The following KCNN2 variants were observed in gnomAD, a reference collection of about 807,000 sequenced individuals.
KCNN2 encodes the protein potassium calcium-activated channel subfamily N member 2, also known as small conductance calcium-activated potassium channel protein 2.
Under a neutral mutation model 55.5 loss-of-function variants are expected in KCNN2, and 24 were observed. That is an observed-to-expected ratio of 0.43 (90% CI 0.31 to 0.61). The LOEUF (loss-of-function observed/expected upper bound fraction) is 0.61. KCNN2 is among the 20% of genes least tolerant of loss of function. The pLI is 0.08. For missense variants in KCNN2, 754 were observed against 853.6 expected (o/e 0.88, Z 1.45); for synonymous variants, 431 against 336.1 (o/e 1.28, Z -3.09).
At chr5:114,447,231 A>G (rs1760452121) in intron 3 of KCNN2, among the ~76,000 whole-genome samples, 1 of 152,190 alleles carries the variant, frequency 6.6e-6, no homozygotes, top group Non-Finnish European at 1.5e-5. Flanking sequence ...GCACATAGTA[A>G]TTCTTAGCCT....
At chr5:114,430,754 T>A (rs1383859789) in intron 3 of KCNN2, among the ~76,000 whole-genome samples, 1 of 152,094 alleles carries the variant, frequency 6.6e-6, no homozygotes, top group Non-Finnish European at 1.5e-5. Context: ...TTTTACCAAG[T>A]TGAGGAAATT....
chr5:114,245,894 C>G (rs991514627), intron 2 of KCNN2, among the ~76,000 whole-genome samples: 1 of 152,192 alleles, frequency 6.6e-6, no homozygotes, highest in Non-Finnish European at 1.5e-5. Context: ...TCTACCTTAT[C>G]ACCCAACTTG....
chr5:114,081,108 G>A (rs936872327), intron 1 of KCNN2, among the ~76,000 whole-genome samples: 8 of 152,038 alleles, frequency 5.3e-5, no homozygotes, highest in Non-Finnish European at 1.0e-4. Context: ...TAAGGTGAAA[G>A]ACCTATACAA....
chr5:114,295,458 G>C (rs1177439719), intron 2 of KCNN2, among the ~76,000 whole-genome samples: 1 of 152,176 alleles, frequency 6.6e-6, no homozygotes, highest in African/African-American at 2.4e-5. Context: ...TCAGACTGCT[G>C]TGCTAGCAAT....
chr5:114,281,889 A>G (rs1361499326), intron 2 of KCNN2, among the ~76,000 whole-genome samples: 1 of 151,782 alleles, frequency 6.6e-6, no homozygotes, highest in Non-Finnish European at 1.5e-5. Flanking sequence ...GTCTATTAAT[A>G]TTTCATATTT....
intron 1 of KCNN2, 32 bp from the exon 2 acceptor site, chr5:114,363,874 C>T (rs1374345752): frequency 6.4e-7 from 1 of 1,567,972 alleles, no homozygotes; most frequent in African/African-American, 1.4e-5. Flanking sequence ...GTGCTTCTTT[C>T]TTAAAAGTGC....
chr5:114,103,889 T>G (rs1270334130), intron 1 of KCNN2, among the ~76,000 whole-genome samples: 1 of 152,156 alleles, frequency 6.6e-6, no homozygotes, highest in East Asian at 1.9e-4. Context: ...AGATTTTCTT[T>G]TTTTGTTGTG....
chr5:114,207,435 T>C (rs781598189), intron 1 of KCNN2, among the ~76,000 whole-genome samples: 2 of 152,242 alleles, frequency 1.3e-5, no homozygotes, highest in Non-Finnish European at 2.9e-5. Flanking sequence ...ATGTATTTTC[T>C]TTGTCCATAC....
intron 5 of KCNN2, chr5:114,486,822 C>A: frequency 1.5e-6 from 2 of 1,303,122 alleles, no homozygotes; most frequent in Non-Finnish European, 2.1e-6. Context: ...GAATTTACCA[C>A]AGAAAGAAAG....
intron 3 of KCNN2, among the ~76,000 whole-genome samples, chr5:114,419,768 T>A (rs1759419787): frequency 6.6e-6 from 1 of 152,164 alleles, no homozygotes; most frequent in Non-Finnish European, 1.5e-5. Context: ...GGTGGGAGGA[T>A]TGCTTTAGGC....
chr5:114,435,750 A>G (rs2150090573), intron 3 of KCNN2, among the ~76,000 whole-genome samples: 1 of 152,240 alleles, frequency 6.6e-6, no homozygotes, highest in South Asian at 2.1e-4. Context: ...GTAAATGTGA[A>G]ATGTTAAGTG....
chr5:114,422,431 C>T (rs1024142387), intron 3 of KCNN2, among the ~76,000 whole-genome samples: 10 of 151,978 alleles, frequency 6.6e-5, no homozygotes, highest in Admixed American at 2.6e-4. Context: ...GGCCCTCACC[C>T]GACACTGAAT....
At chr5:114,217,817 G>C (rs1012308563) in intron 1 of KCNN2, among the ~76,000 whole-genome samples, 2 of 151,906 alleles carry the variant, frequency 1.3e-5, no homozygotes, top group Non-Finnish European at 2.9e-5. Flanking sequence ...AAAAAGAGAA[G>C]CCCAGACTGG....
intron 3 of KCNN2, among the ~76,000 whole-genome samples, chr5:114,421,983 CT>C (rs1249167014): frequency 2.0e-5 from 3 of 152,134 alleles, no homozygotes; most frequent in Admixed American, 2.0e-4. Flanking sequence ...TCTTTTTGGT[CT>C]TTTTTGTAAG....
intron 1 of KCNN2, among the ~76,000 whole-genome samples, chr5:114,145,939 G>A (rs1752390193): frequency 6.6e-6 from 1 of 152,000 alleles, no homozygotes; most frequent in African/African-American, 2.4e-5. Context: ...GGTTGGATGT[G>A]CTAGTTGTTT....
At chr5:114,478,204 G>A (rs1762058140) in intron 5 of KCNN2, among the ~76,000 whole-genome samples, 1 of 152,068 alleles carries the variant, frequency 6.6e-6, no homozygotes, top group Non-Finnish European at 1.5e-5. Context: ...GAAGTGTTAT[G>A]CTAAAAAAGC....
chr5:114,093,089 G>A (rs931062382), intron 1 of KCNN2, among the ~76,000 whole-genome samples: 1 of 152,040 alleles, frequency 6.6e-6, no homozygotes, highest in Non-Finnish European at 1.5e-5. Flanking sequence ...AAGCTTTTAT[G>A]CTCTCCTTTC....
chr5:114,158,053 G>A (rs532976115), intron 1 of KCNN2, among the ~76,000 whole-genome samples: 4 of 152,218 alleles, frequency 2.6e-5, no homozygotes, highest in South Asian at 2.1e-4. Context: ...TTTGCTTTTC[G>A]TGTTTTAGAC....
At chr5:114,111,389 C>T (rs1180656332) in intron 1 of KCNN2, among the ~76,000 whole-genome samples, 2 of 152,102 alleles carry the variant, frequency 1.3e-5, no homozygotes, top group Non-Finnish European at 2.9e-5. Flanking sequence ...TAGAAGAAAA[C>T]CTAGGCAATC....
Sources: gnomAD v4.1 joint callset for allele counts (sites outside exome capture counted in the v4.1 genomes callset) on GRCh38, gnomAD v4.1.1 for gene constraint, MANE v1.5 for transcripts, NCBI Gene and HGNC (gene_info 2026-07-23, HGNC 2026-07-21) for gene names.